Variants in OIT3 observed in about 807,000 individuals in gnomAD.
The protein encoded by OIT3 is oncoprotein-induced transcript 3 protein.
In OIT3, 41 loss-of-function variants were observed where a neutral mutation model predicts 52.2. The observed-to-expected ratio is 0.79, with a 90% CI of 0.61 to 1.02. The LOEUF (loss-of-function observed/expected upper bound fraction) is 1.02. Among genes scored for constraint, OIT3 ranks in the 50% least tolerant of loss-of-function variants. The pLI is 0.00. For synonymous variants in OIT3, 244 were observed against 276.9 expected (o/e 0.88, Z 1.18); for missense variants, 634 against 715.5 (o/e 0.89, Z 1.30).
chr10:72,926,267 C>A (rs754993162), intron 7 of OIT3, among the ~76,000 whole-genome samples: 2 of 152,238 alleles, frequency 1.3e-5, no homozygotes, highest in Non-Finnish European at 2.9e-5. Context: ...CTACAGCCAG[C>A]CTTCACCTGC....
chr10:72,931,693 C>T (rs1002381825), intron 8 of OIT3, among the ~76,000 whole-genome samples: 2 of 152,170 alleles, frequency 1.3e-5, no homozygotes, highest in Non-Finnish European at 2.9e-5. Flanking sequence ...TAACAATTTA[C>T]AGGCATATTA....
intron 1 of OIT3, among the ~76,000 whole-genome samples, chr10:72,896,842 T>C (rs939534957): frequency 5.9e-5 from 9 of 152,230 alleles, no homozygotes; most frequent in African/African-American, 1.4e-4. Flanking sequence ...TTAAGAAGGA[T>C]AATATAGTAC....
intron 6 of OIT3, among the ~76,000 whole-genome samples, chr10:72,919,691 A>G (rs1483413809): frequency 6.6e-6 from 1 of 152,172 alleles, no homozygotes; most frequent in Admixed American, 6.5e-5. Context: ...CCTTTTCTGC[A>G]TCTGTTGAGA....
chr10:72,903,793 T>A (rs574711913), intron 3 of OIT3, among the ~76,000 whole-genome samples: 1 of 152,318 alleles, frequency 6.6e-6, no homozygotes, highest in South Asian at 2.1e-4. Context: ...AGAATGGAAC[T>A]GCTGGGGCAT....
rs1183141591 is a variant in OIT3, at chr10:72,913,487, G to A, written c.951+19G>A. The A allele has an allele frequency of 7.5e-6, 12 of 1,591,546 alleles. No homozygotes were observed. The South Asian group carries it at 1.3e-4, about 18-fold the overall frequency. On this transcript the variant is annotated intron_variant, in intron 6 of 8. Coordinates refer to ENST00000334011, the MANE Select transcript of OIT3 (RefSeq NM_152635.3). ...GGTCGATGTAGGTTCCTCCTGGAGG[G>A]CACTTGGGGAATGACCAAAAGCCGG...
intron 7 of OIT3, 34 bp from the exon 8 acceptor site, chr10:72,930,504 A>G (rs779296531): frequency 1.4e-6 from 2 of 1,473,964 alleles, no homozygotes; most frequent in Non-Finnish European, 1.9e-6. Context: ...TGTTGAAACA[A>G]TCAAGTCTTA....
chr10:72,895,336 C>T (rs1419753466), intron 1 of OIT3, among the ~76,000 whole-genome samples: 2 of 152,194 alleles, frequency 1.3e-5, no homozygotes, highest in African/African-American at 4.8e-5. Flanking sequence ...CCCTCTAGTA[C>T]CTCCTATATT....
At chr10:72,915,129 G>A (rs1401358605) in intron 6 of OIT3, among the ~76,000 whole-genome samples, 2 of 152,146 alleles carry the variant, frequency 1.3e-5, no homozygotes. Context: ...GACCCCCAAA[G>A]TGCTGGGATT....
At chr10:72,931,040 G>T (rs1226830903) in intron 8 of OIT3, among the ~76,000 whole-genome samples, 1 of 152,062 alleles carries the variant, frequency 6.6e-6, no homozygotes, top group African/African-American at 2.4e-5. Flanking sequence ...AAGTGCTGAT[G>T]AAAACAATTA....
At chr10:72,915,166 C>CTT (rs200336227) in intron 6 of OIT3, among the ~76,000 whole-genome samples, 1 of 150,790 alleles carries the variant, frequency 6.6e-6, no homozygotes, top group African/African-American at 2.4e-5. Flanking sequence ...GTGCCCAGCC[C>CTT]TTTTTTTTTG....
intron 6 of OIT3, among the ~76,000 whole-genome samples, chr10:72,914,614 G>T (rs1846058551): frequency 6.6e-6 from 1 of 152,122 alleles, no homozygotes; most frequent in African/African-American, 2.4e-5. Flanking sequence ...CAGAGCAGAG[G>T]AATCTGGTGA....
intron 1 of OIT3, among the ~76,000 whole-genome samples, chr10:72,897,949 G>A (rs186629283): frequency 1.3e-5 from 2 of 150,848 alleles, no homozygotes; most frequent in East Asian, 1.9e-4. Context: ...TTCTAAGTCT[G>A]TTCAACTTTC....
rs1201605862 is a variant in OIT3 at position 72,930,525 on chromosome 10, G to A, written c.1368-13G>A. On this transcript the variant is annotated splice_polypyrimidine_tract_variant and intron_variant, in intron 7 of 8. Coordinates refer to ENST00000334011, the MANE Select transcript of OIT3 (RefSeq NM_152635.3). ...AACAATCAAGTCTTATGTGCTATCT[G>A]CCCTACTTTCAGCTGTGTTTCAGAT... 1 of 1,581,580 alleles carries A rather than the reference G, an allele frequency of 6.3e-7. No homozygotes were observed. Among genetic ancestry groups the A allele is most frequent in the Admixed American group, 1.7e-5 (1 of 59,840 alleles).
chr10:72,912,080 A>G (rs983184945), intron 5 of OIT3, among the ~76,000 whole-genome samples: 6 of 152,118 alleles, frequency 3.9e-5, no homozygotes, highest in African/African-American at 1.4e-4. Context: ...ACTGCTTTCT[A>G]TGGTTAGTTG....
At chr10:72,903,951 A>C (rs2132929164) in intron 3 of OIT3, among the ~76,000 whole-genome samples, 1 of 152,262 alleles carries the variant, frequency 6.6e-6, no homozygotes, top group Middle Eastern at 3.4e-3. Context: ...TTCTGCCTCC[A>C]AAAAAAGAAG....
intron 6 of OIT3, chr10:72,918,017 T>A: frequency 1.2e-6 from 1 of 824,578 alleles, no homozygotes; most frequent in South Asian, 1.3e-5. Context: ...CATCTTCATC[T>A]TCTTCATCGT....
At chr10:72,925,491 C>T (rs1488589453) in intron 7 of OIT3, among the ~76,000 whole-genome samples, 1 of 152,156 alleles carries the variant, frequency 6.6e-6, no homozygotes, top group African/African-American at 2.4e-5. Context: ...GTGCAGGGAA[C>T]AAGGAGCCAG....
chr10:72,898,623 G>T (rs770557455), intron 1 of OIT3, 41 bp from the exon 2 acceptor site: 2 of 1,554,214 alleles, frequency 1.3e-6, no homozygotes, highest in East Asian at 4.5e-5. Context: ...GGTGTGATCC[G>T]AAACACTCCA....
rs138764042 is a variant in OIT3, at chr10:72,907,061, G to A, written c.667+343G>A. ...GTGGGAGGATCACTTGAGGCCAGGA[G>A]TTTAAGACCAGCCTGGGCAACATAG... On this transcript the variant is annotated intron_variant, in intron 4 of 8. Coordinates refer to ENST00000334011, the MANE Select transcript of OIT3 (RefSeq NM_152635.3). Among the ~76,000 whole-genome samples, 24 of 152,182 alleles carry A rather than the reference G, an allele frequency of 1.6e-4. No homozygotes were observed. The East Asian group carries it at 4.1e-3, about 26-fold the overall frequency.
Sources: gnomAD v4.1 joint callset for allele counts (sites outside exome capture counted in the v4.1 genomes callset) on GRCh38, gnomAD v4.1.1 for gene constraint, MANE v1.5 for transcripts, NCBI Gene and HGNC (gene_info 2026-07-23, HGNC 2026-07-21) for gene names.